SRRM4: variants seen among roughly 807,000 people sequenced by gnomAD.
SRRM4 encodes the protein serine/arginine repetitive matrix 4, also known as serine/arginine repetitive matrix protein 4.
Under a neutral mutation model 68.9 loss-of-function variants are expected in SRRM4, and 33 were observed. The observed-to-expected ratio is 0.48, with a 90% CI of 0.36 to 0.64. The LOEUF is 0.64. SRRM4 is among the 30% of genes least tolerant of loss of function. The pLI, the probability that SRRM4 is intolerant of heterozygous loss-of-function variation, is 0.00. For synonymous variants in SRRM4, 318 were observed against 318.8 expected (o/e 1.00, Z 0.03); for missense variants, 817 against 827.1 (o/e 0.99, Z 0.15).
rs753604308 is a variant in SRRM4 at position 119,151,136 on chromosome 12, G to C, written c.1196G>C (p.Arg399Pro). 24 of 1,613,914 alleles carry C rather than the reference G, an allele frequency of 1.5e-5. No homozygotes were observed. The highest frequency in any genetic ancestry group is 1.9e-5 in the Non-Finnish European group (23 of 1,179,852). The change falls in exon 10 of 13, where the codon CGA becomes CCA. Residue 399 changes from arginine to proline, a missense_variant. Coordinates refer to ENST00000267260, the MANE Select transcript of SRRM4 (RefSeq NM_194286.4). The stretch of plus-strand genomic sequence containing the variant: ...CGCAGCTCCTCCTATGCCAGCACCC[G>C]ATCCTCCAGTCACTCGTCCCGATCC... ...CSRSSSYAST[R>P]SSSHSSRSPN...
At chr12:119,134,157 G>T (rs1224399634) in intron 8 of SRRM4, among the ~76,000 whole-genome samples, 2 of 152,124 alleles carry the variant, frequency 1.3e-5, no homozygotes, top group African/African-American at 4.8e-5. Context: ...AAAACTCAAG[G>T]ACAGTTGCAT....
At chr12:119,081,425 A>C (rs1953946977) in intron 1 of SRRM4, among the ~76,000 whole-genome samples, 1 of 152,100 alleles carries the variant, frequency 6.6e-6, no homozygotes, top group South Asian at 2.1e-4. Flanking sequence ...CCCGTGCAAA[A>C]CTCCTGAGGC....
intron 1 of SRRM4, among the ~76,000 whole-genome samples, chr12:119,040,182 C>CTTTTA (rs57507061): frequency 0.07 from 10,538 of 151,406 alleles, 507 homozygotes; most frequent in East Asian, 0.13. Flanking sequence ...TAGCAGCTAC[C>CTTTTA]TTTTATTTTA....
intron 2 of SRRM4, among the ~76,000 whole-genome samples, chr12:119,108,215 G>A (rs1166117127): frequency 6.6e-6 from 1 of 152,310 alleles, no homozygotes; most frequent in East Asian, 1.9e-4. Flanking sequence ...TACATTTTCT[G>A]AGGAGTGCTT....
intron 1 of SRRM4, among the ~76,000 whole-genome samples, chr12:119,100,574 G>A (rs527876404): frequency 1.5e-4 from 23 of 151,982 alleles, no homozygotes; most frequent in African/African-American, 4.8e-4. Flanking sequence ...TAAACATTCC[G>A]TAATCACAGG....
chr12:119,133,908 G>A (rs1234313346), intron 8 of SRRM4, among the ~76,000 whole-genome samples: 2 of 152,148 alleles, frequency 1.3e-5, no homozygotes, highest in Non-Finnish European at 2.9e-5. Flanking sequence ...TTATTTGGGG[G>A]TGCAAGGTTA....
At chr12:119,008,442 G>GT (rs1276074944) in intron 1 of SRRM4, among the ~76,000 whole-genome samples, 1 of 151,300 alleles carries the variant, frequency 6.6e-6, no homozygotes, top group Non-Finnish European at 1.5e-5. Context: ...CTTATCTAAT[G>GT]TTGTGTAACA....
At chr12:119,027,460 A>G (rs1953556526) in intron 1 of SRRM4, among the ~76,000 whole-genome samples, 1 of 152,224 alleles carries the variant, frequency 6.6e-6, no homozygotes, top group South Asian at 2.1e-4. Context: ...TCACCTGACC[A>G]TGAGAATGCT....
At chr12:118,986,962 A>C (rs1953286495) in intron 1 of SRRM4, among the ~76,000 whole-genome samples, 1 of 152,042 alleles carries the variant, frequency 6.6e-6, no homozygotes, top group South Asian at 2.1e-4. Context: ...CTTCCCGTGA[A>C]GTGGAAGAAT....
At position 119,097,029 on chromosome 12, in the gene SRRM4, C is replaced by T. The variant is rs189933677; in HGVS notation, c.132-5207C>T. On this transcript the variant is annotated intron_variant, in intron 1 of 12. Transcript: ENST00000267260. ...AGCCGCCGGGAGGCCTTGAGGAATT[C>T]GGCACTCGTGGCTCCCTCCCTCCAT... Among the ~76,000 whole-genome samples, 271 of 152,256 alleles carry T rather than the reference C, an allele frequency of 1.8e-3. 3 individuals are homozygous for T. Among genetic ancestry groups the T allele is most frequent in the East Asian group, 2.9e-3 (15 of 5,186 alleles).
chr12:119,063,120 G>A (rs535220699), intron 1 of SRRM4, among the ~76,000 whole-genome samples: 2 of 152,186 alleles, frequency 1.3e-5, no homozygotes, highest in Admixed American at 6.5e-5. Flanking sequence ...AAACATTACT[G>A]GTATCTACTA....
At chr12:119,061,677 T>C (rs1953813011) in intron 1 of SRRM4, among the ~76,000 whole-genome samples, 1 of 152,198 alleles carries the variant, frequency 6.6e-6, no homozygotes, top group African/African-American at 2.4e-5. Flanking sequence ...CCCCCTCATT[T>C]CTGAAAAGAT....
chr12:119,028,835 T>C (rs943732663), intron 1 of SRRM4, among the ~76,000 whole-genome samples: 1 of 152,118 alleles, frequency 6.6e-6, no homozygotes, highest in African/African-American at 2.4e-5. Flanking sequence ...GAAAATAAAT[T>C]TGAATCGGTG....
intron 8 of SRRM4, 47 bp from the exon 9 acceptor site, chr12:119,145,334 C>T: frequency 6.6e-7 from 1 of 1,515,262 alleles, no homozygotes; most frequent in Non-Finnish European, 9.0e-7. Flanking sequence ...AGAAACAGCC[C>T]ATGGGCCCAG....
intron 8 of SRRM4, among the ~76,000 whole-genome samples, chr12:119,136,241 C>A (rs1030343687): frequency 3.3e-5 from 5 of 152,180 alleles, no homozygotes; most frequent in Non-Finnish European, 7.3e-5. Flanking sequence ...GAATATGCTT[C>A]CCCCTTTGTA....
chr12:119,000,198 A>C (rs2135992897), intron 1 of SRRM4, among the ~76,000 whole-genome samples: 1 of 152,308 alleles, frequency 6.6e-6, no homozygotes, highest in Middle Eastern at 3.4e-3. Context: ...GTGACCATTG[A>C]AGATGATAAA....
intron 9 of SRRM4, 106 bp from the exon 10 acceptor site, chr12:119,150,911 G>A: frequency 1.0e-6 from 1 of 983,556 alleles, no homozygotes; most frequent in South Asian, 1.4e-5. Flanking sequence ...GGGCAAAGAG[G>A]GTTCTATGAG....
At chr12:119,052,499 TTTGTTGTTG>T (rs532493541) in intron 1 of SRRM4, among the ~76,000 whole-genome samples, 272 of 151,710 alleles carry the variant, frequency 1.8e-3, no homozygotes, top group African/African-American at 6.1e-3. Flanking sequence ...TAACTGCTTT[TTTGTTGTTG>T]TTGTTGTTGT....
chr12:119,108,027 T>C (rs1193678550), intron 2 of SRRM4, among the ~76,000 whole-genome samples: 2 of 152,216 alleles, frequency 1.3e-5, no homozygotes, highest in Non-Finnish European at 2.9e-5. Flanking sequence ...TTTGTTCTCA[T>C]TGGTTTCAAA....
Sources: allele counts gnomAD v4.1 joint callset (sites outside exome capture counted in the v4.1 genomes callset), GRCh38; gene constraint gnomAD v4.1.1; transcripts MANE v1.5; gene names NCBI Gene and HGNC (gene_info 2026-07-23, HGNC 2026-07-21).